The following BRINP1 variants were observed in gnomAD, a reference collection of about 807,000 sequenced individuals.
BRINP1 encodes BMP/retinoic acid inducible neural specific 1, also known as BMP/retinoic acid-inducible neural-specific protein 1.
BRINP1 carries 17 observed loss-of-function variants against 72.9 expected under a neutral mutation model. That is an observed-to-expected ratio of 0.23 (90% confidence interval 0.16 to 0.35). BRINP1 has a LOEUF of 0.35. Ranked by LOEUF, BRINP1 falls within the 10% of genes least tolerant of loss-of-function variation. The pLI, the probability that BRINP1 is intolerant of heterozygous loss-of-function variation, is 1.00. For missense variants in BRINP1, 850 were observed against 1,001.6 expected (o/e 0.85, Z 2.04); for synonymous variants, 418 against 378.5 (o/e 1.10, Z -1.21).
chr9:119,206,288 C>A (rs1329408810), intron 7 of BRINP1, among the ~76,000 whole-genome samples: 1 of 151,720 alleles, frequency 6.6e-6, no homozygotes, highest in East Asian at 1.9e-4. Flanking sequence ...TGGTGGTGCA[C>A]ACCTGTAATC....
chr9:119,169,681 CACAG>C (rs1209629870), intron 7 of BRINP1, among the ~76,000 whole-genome samples: 2 of 152,238 alleles, frequency 1.3e-5, no homozygotes, highest in African/African-American at 2.4e-5. Context: ...GGGGGCAGGG[CACAG>C]ACAAACAAAA....
At position 119,235,051 on chromosome 9, in the gene BRINP1, T is replaced by C. The variant is rs1426357734; in HGVS notation, c.685+3604A>G. Among the ~76,000 whole-genome samples, 4 of 152,188 alleles carry C rather than the reference T, an allele frequency of 2.6e-5. No individual in the cohort carries two copies. In the East Asian group the frequency reaches 7.7e-4, roughly 29 times the overall value. ...AGTAACTCTGGGATTGCTCCATTTC[T>C]GTCCATCTCAACTGGTACCCCCATG... is the stretch of plus-strand genomic sequence containing the variant. On this transcript the variant is annotated intron_variant, in intron 5 of 7. Transcript: ENST00000265922.
Position 119,167,524 on chromosome 9 carries a change from G to A in BRINP1, c.1846C>T (p.His616Tyr). The A allele has an allele frequency of 6.2e-7, 1 of 1,614,126 alleles. No individual in the cohort carries two copies. The highest frequency in any genetic ancestry group is 1.1e-5 in the South Asian group (1 of 91,074). ...NRWKTFFETV[H>Y]IYLRSRTRLP... is the part of the protein sequence containing the mutation. ...CGAGTCCGACTACGTAGGTAGATGT[G>A]GACCGTCTCGAAAAATGTTTTCCAC... The change falls in exon 8 of 8, where the codon CAC (histidine) becomes TAC (tyrosine). Residue 616 changes from histidine to tyrosine, a missense_variant. Transcript: ENST00000265922. The surrounding 1 kb of genome is among the most constrained non-coding windows in gnomAD (Gnocchi z 4.3).
chr9:119,313,309 C>T lies in BRINP1; in HGVS notation c.47G>A (p.Gly16Asp), dbSNP rs745518047. ...GTGGGAGGGCTGCACTGAGATACGG[C>T]CCCATATAAACAGGAAGTAGAGGAG... Reference protein sequence around the residue: ...VELLYFLFIWGRISVQPSHQE... With the variant: ...VELLYFLFIWDRISVQPSHQE... The change falls in exon 2 of 8, where the codon GGC becomes GAC. Residue 16 changes from glycine (G) to aspartate (D), a missense_variant. By Grantham distance (94) the Gly-to-Asp change is moderately conservative (BLOSUM62 -1). Transcript: ENST00000265922. The T allele has an allele frequency of 1.2e-6, 2 of 1,614,058 alleles. No homozygotes were observed. Among genetic ancestry groups the T allele is most frequent in the South Asian group, 2.2e-5 (2 of 91,064 alleles).
rs1254998311 is a variant in BRINP1, at chr9:119,173,452, A to G, written c.1146-5228T>C. On this transcript the variant is annotated intron_variant, in intron 7 of 7. Transcript: ENST00000265922. Reference sequence around the variant, plus strand: ...GATGTGAAGGACCTCTTCAAGGAGAACCACAAACCACTGCTCAATGAAATA... The same window carrying G: ...GATGTGAAGGACCTCTTCAAGGAGAGCCACAAACCACTGCTCAATGAAATA... 6.0e-4 allele frequency among the ~76,000 whole-genome samples: 91 copies of G among 151,804 alleles called. 2 individuals carry two copies. The highest frequency in any genetic ancestry group is 1.8e-3 in the African/African-American group (75 of 41,310).
intron 2 of BRINP1, among the ~76,000 whole-genome samples, chr9:119,292,880 G>A (rs956016003): frequency 2.6e-5 from 4 of 152,196 alleles, no homozygotes; most frequent in African/African-American, 9.7e-5. Flanking sequence ...ATAAGGTCAA[G>A]AACCACAGGA....
chr9:119,252,104 C>G (rs1267319665), intron 2 of BRINP1, among the ~76,000 whole-genome samples: 4 of 152,156 alleles, frequency 2.6e-5, no homozygotes, highest in Non-Finnish European at 5.9e-5. Flanking sequence ...CTCCCTCCCT[C>G]TCACTCGCTG....
At chr9:119,218,431 C>T (rs531307230) in intron 5 of BRINP1, among the ~76,000 whole-genome samples, 1 of 152,174 alleles carries the variant, frequency 6.6e-6, no homozygotes, top group African/African-American at 2.4e-5. Flanking sequence ...GCATAAGCCA[C>T]TGCACCCTAA....
intron 2 of BRINP1, among the ~76,000 whole-genome samples, chr9:119,264,214 T>C (rs971638255): frequency 6.6e-6 from 1 of 152,222 alleles, no homozygotes; most frequent in Non-Finnish European, 1.5e-5. Context: ...GTTCATTTTT[T>C]CCCCTTTCCA....
chr9:119,182,580 C>T (rs1829569840), intron 7 of BRINP1, among the ~76,000 whole-genome samples: 1 of 152,210 alleles, frequency 6.6e-6, no homozygotes, highest in Non-Finnish European at 1.5e-5. Context: ...TTAGTGTTCT[C>T]ATAAATGAAA....
intron 7 of BRINP1, among the ~76,000 whole-genome samples, chr9:119,178,421 T>A (rs1352396494): frequency 6.6e-6 from 1 of 152,182 alleles, no homozygotes; most frequent in Non-Finnish European, 1.5e-5. Context: ...GCTCATTTCA[T>A]TGTTTGTGTG....
intron 7 of BRINP1, among the ~76,000 whole-genome samples, chr9:119,170,676 T>G (rs1234924781): frequency 7.5e-6 from 1 of 134,018 alleles, no homozygotes; most frequent in Non-Finnish European, 1.6e-5. Context: ...AGACACATAA[T>G]TGTCAGATTC....
chr9:119,184,477 C>T (rs141483758), intron 7 of BRINP1, among the ~76,000 whole-genome samples: 2 of 152,292 alleles, frequency 1.3e-5, no homozygotes, highest in Admixed American at 1.3e-4. Context: ...CCTGAGCTAG[C>T]CTGACTTCAC....
rs34106507 is a variant in BRINP1, at chr9:119,237,346, C to CATTATTATTATTATTATTATT, written c.685+1288_685+1308dup. On this transcript the variant is annotated intron_variant, in intron 5 of 7. Coordinates refer to ENST00000265922, the MANE Select transcript of BRINP1 (RefSeq NM_014618.3). The stretch of plus-strand genomic sequence containing the variant: ...AATACCTGGGCATATTTTCTTGCTA[C>CATTATTATTATTATTATTATT]ATTATTATTATTATTATTATTATTA... Among the ~76,000 whole-genome samples the CATTATTATTATTATTATTATT allele has an allele frequency of 9.7e-3, 1,406 of 145,048 alleles. 15 individuals are homozygous for CATTATTATTATTATTATTATT. Among genetic ancestry groups the CATTATTATTATTATTATTATT allele is most frequent in the East Asian group, 0.031 (151 of 4,876 alleles).
intron 7 of BRINP1, among the ~76,000 whole-genome samples, chr9:119,186,926 C>A (rs1829628010): frequency 6.6e-6 from 1 of 152,054 alleles, no homozygotes; most frequent in Non-Finnish European, 1.5e-5. Flanking sequence ...TCTCCTGATG[C>A]CCGAGTTGTC....
intron 7 of BRINP1, among the ~76,000 whole-genome samples, chr9:119,199,185 TA>T (rs1829777878): frequency 6.6e-6 from 1 of 152,100 alleles, no homozygotes; most frequent in African/African-American, 2.4e-5. Flanking sequence ...GTCAGTCTAA[TA>T]AACTGAAACT....
Position 119,222,588 on chromosome 9 carries a change from G to A in BRINP1, c.686-8433C>T, listed in dbSNP as rs182935580. Reference sequence around the variant, plus strand: ...ATCAATAAGGCATCCATCATGTGCAGACACTGTTCTAGGTTCTAGAGAAAA... The same window carrying A: ...ATCAATAAGGCATCCATCATGTGCAAACACTGTTCTAGGTTCTAGAGAAAA... On this transcript the variant is annotated intron_variant, in intron 5 of 7. Transcript: ENST00000265922. 3.8e-4 allele frequency among the ~76,000 whole-genome samples: 57 copies of A among 148,602 alleles called. No homozygotes were observed. In the East Asian group the frequency reaches 4.7e-3, roughly 12 times the overall value.
chr9:119,285,022 G>A (rs569966185), intron 2 of BRINP1, among the ~76,000 whole-genome samples: 10 of 152,190 alleles, frequency 6.6e-5, no homozygotes, highest in East Asian at 1.9e-4. Flanking sequence ...GCATCTTTAC[G>A]TTAATTTATG....
In BRINP1 at chr9:119,208,778, C is replaced by T. The variant is rs1829886413; in HGVS notation, c.1086G>A (p.Lys362=). 1.2e-6 allele frequency: 2 copies of T among 1,614,094 alleles called. No homozygotes were observed. Among genetic ancestry groups the T allele is most frequent in the African/African-American group, 1.3e-5 (1 of 75,046 alleles). The part of the protein sequence containing the change: ...QRQKIQRTAR[K]LFGLSVRCRH... ...GACAGCGTACACTGAGGCCGAAAAG[C>T]TTGCGGGCAGTGCGTTGGATCTTTT... Residue 362 remains lysine, a synonymous_variant, in exon 7 of 8, where the codon AAG becomes AAA. Coordinates refer to ENST00000265922, the MANE Select transcript of BRINP1 (RefSeq NM_014618.3).
Sources: allele counts gnomAD v4.1 joint callset (sites outside exome capture counted in the v4.1 genomes callset), GRCh38; gene constraint gnomAD v4.1.1; non-coding constraint Gnocchi (gnomAD v3.1); transcripts MANE v1.5; gene names NCBI Gene and HGNC (gene_info 2026-07-23, HGNC 2026-07-21).